STK33: variants seen among roughly 807,000 people sequenced by gnomAD.
STK33 encodes the protein serine/threonine-protein kinase 33.
In STK33, 52 loss-of-function variants were observed where a neutral mutation model predicts 58.0. The ratio of observed to expected loss-of-function variants is 0.90; its 90% CI spans 0.72 to 1.13. The LOEUF is 1.13. STK33 is among the 50% of genes most tolerant of loss of function. The probability of loss-of-function intolerance (pLI) is 0.00; values close to 1 mark genes in which losing one functional copy is unlikely to be tolerated. For synonymous variants in STK33, 215 were observed against 200.1 expected, an observed-to-expected ratio of 1.07 and a Z score of -0.63; for missense variants, 630 against 604.2, an observed-to-expected ratio of 1.04 and a Z score of -0.45.
chr11:8,491,453 C>A (rs1258727822), intron 1 of STK33, among the ~76,000 whole-genome samples: 2 of 151,998 alleles, frequency 1.3e-5, no homozygotes, highest in African/African-American at 4.8e-5. Context: ...GTGAAAAGAC[C>A]AAATCTACGT....
intron 1 of STK33, among the ~76,000 whole-genome samples, chr11:8,550,395 T>G (rs1020189512): frequency 6.6e-6 from 1 of 152,128 alleles, no homozygotes; most frequent in African/African-American, 2.4e-5. Flanking sequence ...TCCACCCGCC[T>G]CAGCCTCCCA....
chr11:8,384,457 C>T, the STK33 span, among the ~76,000 whole-genome samples: 34 of 152,200 alleles, frequency 2.2e-4, no homozygotes, highest in South Asian at 4.1e-4. Flanking sequence ...TGCGGGAGGT[C>T]GGACATTAGC....
At chr11:8,430,673 G>A (rs560229332) in intron 14 of STK33, among the ~76,000 whole-genome samples, 2 of 152,114 alleles carry the variant, frequency 1.3e-5, no homozygotes, top group East Asian at 1.9e-4. Context: ...TTCTCTACCC[G>A]TGTTTTTGTT....
Position 8,544,948 on chromosome 11 carries a change from A to T in STK33, c.-466+49135T>A, listed in dbSNP as rs181868288. Among the ~76,000 whole-genome samples, 149 of 152,356 alleles carry T rather than the reference A, an allele frequency of 9.8e-4. 1 individual carries two copies. The highest frequency in any genetic ancestry group is 2.1e-3 in the Admixed American group (32 of 15,296). On this transcript the variant is annotated intron_variant, in intron 1 of 15. Coordinates refer to ENST00000687296, the MANE Select transcript of STK33 (RefSeq NM_001352389.2). The stretch of plus-strand genomic sequence containing the variant: ...TATTCCAATAAGAAATATTCTAAAA[A>T]CTGCATCAGCTAAAACCATGACACG...
At chr11:8,419,432 T>C (rs1243701280) in intron 14 of STK33, among the ~76,000 whole-genome samples, 2 of 152,182 alleles carry the variant, frequency 1.3e-5, no homozygotes, top group African/African-American at 4.8e-5. Context: ...TTCTGTTCCA[T>C]TGGTCTATGT....
Position 8,413,521 on chromosome 11 carries a change from T to A in STK33, c.1318A>T (p.Thr440Ser), listed in dbSNP as rs1940636834. The A allele has an allele frequency of 1.2e-6, 2 of 1,613,932 alleles. No homozygotes were observed. The highest frequency in any genetic ancestry group is 1.7e-6 in the Non-Finnish European group (2 of 1,179,846). The change falls in exon 15 of 16, where the codon ACT becomes TCT. Residue 440 changes from threonine to serine, a missense_variant. Coordinates refer to ENST00000687296, the MANE Select transcript of STK33 (RefSeq NM_001352389.2). ...PWGNVPDANY[T>S]SDEEEEKQST... ...TGTTTTTCCTCCTCTTCATCTGAAG[T>A]GTAATTGGCATCAGGGACATTTCCC...
chr11:8,498,173 A>G (rs1218698309), intron 1 of STK33, among the ~76,000 whole-genome samples: 1 of 152,214 alleles, frequency 6.6e-6, no homozygotes, highest in Non-Finnish European at 1.5e-5. Flanking sequence ...CATTTGACAA[A>G]AACCAATAAC....
intron 13 of STK33, 35 bp from the exon 14 acceptor site, chr11:8,435,614 T>C: frequency 7.9e-7 from 1 of 1,264,000 alleles, no homozygotes; most frequent in South Asian, 1.7e-5. Context: ...AAAATCTTAT[T>C]TAACTACAAT....
chr11:8,485,493 G>C (rs1950137282), intron 1 of STK33, among the ~76,000 whole-genome samples: 1 of 152,140 alleles, frequency 6.6e-6, no homozygotes, highest in African/African-American at 2.4e-5. Context: ...ACTACAAACA[G>C]AAAATTGCAA....
chr11:8,387,974 CT>C (rs1311318716), downstream of STK33, among the ~76,000 whole-genome samples: 2 of 152,202 alleles, frequency 1.3e-5, no homozygotes, highest in Admixed American at 6.5e-5. Flanking sequence ...TCTATGGCCC[CT>C]GTATCAATGC....
chr11:8,432,188 T>A (rs1236283651), intron 14 of STK33, among the ~76,000 whole-genome samples: 1 of 152,204 alleles, frequency 6.6e-6, no homozygotes, highest in Non-Finnish European at 1.5e-5. Context: ...AAAGAAAAAC[T>A]GACTTCCTTA....
At chr11:8,547,189 G>T (rs981411364) in intron 1 of STK33, among the ~76,000 whole-genome samples, 6 of 152,004 alleles carry the variant, frequency 3.9e-5, no homozygotes, top group African/African-American at 2.4e-5. Context: ...TATAGAGTTG[G>T]CCATTTGTAT....
chr11:8,469,006 T>G (rs77933650), intron 6 of STK33, among the ~76,000 whole-genome samples: 8,274 of 152,290 alleles, frequency 0.054, 297 homozygotes, highest in Non-Finnish European at 0.071. Flanking sequence ...TGTAATCTTT[T>G]TGCTGGTGGA....
intron 11 of STK33, among the ~76,000 whole-genome samples, chr11:8,446,185 T>C (rs1945436522): frequency 6.6e-6 from 1 of 152,206 alleles, no homozygotes; most frequent in Non-Finnish European, 1.5e-5. Context: ...TATAGTATTC[T>C]CTGATGGTAG....
chr11:8,431,174 T>A (rs1405472789), intron 14 of STK33, among the ~76,000 whole-genome samples: 1 of 152,052 alleles, frequency 6.6e-6, no homozygotes, highest in Admixed American at 6.6e-5. Context: ...CTCCTTAACA[T>A]AATTTTTATA....
At chr11:8,521,499 G>C (rs894599918) in intron 1 of STK33, among the ~76,000 whole-genome samples, 1 of 152,158 alleles carries the variant, frequency 6.6e-6, no homozygotes, top group African/African-American at 2.4e-5. Context: ...AGACTTAAAT[G>C]TTAGACCTAA....
rs774490392 is a variant in STK33 at position 8,413,628 on chromosome 11, T to C, written c.1211A>G (p.Asn404Ser). ...TGTGTTTTCCTCAACACTTTCTGGGTTATTTTTCCATTCCTTCATCATCTC... is the reference window on the plus strand; with the variant it reads ...TGTGTTTTCCTCAACACTTTCTGGGCTATTTTTCCATTCCTTCATCATCTC... ...VLEMMKEWKN[N>S]PESVEENTTE... is the part of the protein sequence containing the mutation. The change falls in exon 15 of 16, where the codon AAC becomes AGC. Residue 404 changes from asparagine (N) to serine (S), a missense_variant. By Grantham distance (46) the Asn-to-Ser change is conservative. Coordinates refer to ENST00000687296, the MANE Select transcript of STK33 (RefSeq NM_001352389.2). The C allele has an allele frequency of 1.5e-5, 25 of 1,613,946 alleles. No homozygotes were observed. In the Admixed American group the frequency reaches 3.5e-4, roughly 23 times the overall value.
Position 8,557,248 on chromosome 11 carries a change from G to GAAGAAGGGAAGGGAA in STK33, c.-466+36834_-466+36835insTTCCCTTCCCTTCTT, listed in dbSNP as rs145181993. 9.7e-5 allele frequency among the ~76,000 whole-genome samples: 4 copies of GAAGAAGGGAAGGGAA among 41,230 alleles called. 1 individual carries two copies. The highest frequency in any genetic ancestry group is 3.9e-4 in the African/African-American group (4 of 10,304). The allele number at this position is 41,230 out of a possible 152,430, so 27.0% of individuals were successfully genotyped here. ...CGTAGGCAACAGAGGGGGACCTTGT[G>GAAGAAGGGAAGGGAA]GGGAAGGGAAGGGGAGGGGAGGGGA... On this transcript the variant is annotated intron_variant, in intron 1 of 15. Coordinates refer to ENST00000687296, the MANE Select transcript of STK33 (RefSeq NM_001352389.2).
chr11:8,547,363 C>T (rs572014896), intron 1 of STK33, among the ~76,000 whole-genome samples: 47 of 152,154 alleles, frequency 3.1e-4, no homozygotes, highest in Non-Finnish European at 5.4e-4. Context: ...TACAGGCATG[C>T]GCCACCACGC....
Sources: gnomAD v4.1 joint callset for allele counts (sites outside exome capture counted in the v4.1 genomes callset) on GRCh38, gnomAD v4.1.1 for gene constraint, MANE v1.5 for transcripts, NCBI Gene and HGNC (gene_info 2026-07-23, HGNC 2026-07-21) for gene names.